The following MAP7 variants were observed in gnomAD, a reference collection of about 807,000 sequenced individuals.
MAP7 encodes the protein ensconsin.
MAP7 carries 52 observed loss-of-function variants against 94.8 expected under a neutral mutation model. The observed-to-expected ratio is 0.55, with a 90% confidence interval of 0.44 to 0.69. The LOEUF (loss-of-function observed/expected upper bound fraction) is 0.69, where lower values mean the gene tolerates loss of function less well. MAP7 is among the 30% of genes least tolerant of loss of function. The pLI, the probability that MAP7 is intolerant of heterozygous loss-of-function variation, is 0.00. For synonymous variants in MAP7, 350 were observed against 357.0 expected, an observed-to-expected ratio of 0.98 and a Z score of 0.22; for missense variants, 940 against 964.6, an observed-to-expected ratio of 0.97 and a Z score of 0.34.
intron 3 of MAP7, among the ~76,000 whole-genome samples, chr6:136,409,280 G>A (rs1271622126): frequency 6.6e-6 from 1 of 152,166 alleles, no homozygotes; most frequent in African/African-American, 2.4e-5. Context: ...AGCTACTAAA[G>A]AGGCTGAGGA....
intron 1 of MAP7, among the ~76,000 whole-genome samples, chr6:136,445,938 G>A (rs986261073): frequency 6.6e-6 from 1 of 152,198 alleles, no homozygotes; most frequent in African/African-American, 2.4e-5. Context: ...TCGCCAAAAT[G>A]CATGGGGATT....
Position 136,356,760 on chromosome 6 carries a change from C to G in MAP7, c.1947G>C (p.Pro649=). 1 of 1,614,068 alleles carries G rather than the reference C, an allele frequency of 6.2e-7. No individual in the cohort carries two copies. The highest frequency in any genetic ancestry group is 1.1e-5 in the South Asian group (1 of 91,072). ...GGCTGCCAACTGGCTTTCCATTTCC[C>G]GGAGCGTTTGTTGTACATGGAAGTG... The part of the protein sequence containing the change: ...VSALPCTTNA[P]GNGKPVGSPH... Residue 649 remains proline (P), a synonymous_variant, in exon 16 of 18, where the codon CCG becomes CCC. Transcript: ENST00000354570.
At chr6:136,421,496 G>C (rs1371054263) in intron 2 of MAP7, among the ~76,000 whole-genome samples, 1 of 152,178 alleles carries the variant, frequency 6.6e-6, no homozygotes, top group East Asian at 1.9e-4. Context: ...GAAAACCAAG[G>C]CTTGGCTTTG....
chr6:136,506,819 A>G (rs1341357428), intron 1 of MAP7, among the ~76,000 whole-genome samples: 3 of 152,198 alleles, frequency 2.0e-5, no homozygotes, highest in African/African-American at 7.2e-5. Context: ...AAACCTAACT[A>G]GTAATATGCA....
intron 5 of MAP7, among the ~76,000 whole-genome samples, chr6:136,387,230 G>T (rs1223676080): frequency 6.6e-6 from 1 of 152,132 alleles, no homozygotes; most frequent in East Asian, 1.9e-4. Flanking sequence ...ACTAAAAGTG[G>T]CAACAGCAGT....
intron 1 of MAP7, among the ~76,000 whole-genome samples, chr6:136,496,837 C>T (rs1292684868): frequency 1.3e-5 from 2 of 149,910 alleles, no homozygotes; most frequent in African/African-American, 4.9e-5. Context: ...GCCTGTAATT[C>T]CAGCTACTCG....
At chr6:136,464,981 C>T (rs1265218007) in intron 1 of MAP7, among the ~76,000 whole-genome samples, 4 of 152,204 alleles carry the variant, frequency 2.6e-5, no homozygotes, top group Non-Finnish European at 4.4e-5. Flanking sequence ...GAGGAGGTCA[C>T]GTGTACCATG....
Position 136,344,166 on chromosome 6 carries a change from G to A in MAP7, c.*62C>T. 1.1e-6 allele frequency: 1 copy of A among 881,532 alleles called. No individual in the cohort carries two copies. The highest frequency in any genetic ancestry group is 3.2e-5 in the South Asian group (1 of 31,386). 54.6% of individuals were successfully genotyped at this position (881,532 alleles called of 1,614,324 possible). On this transcript the variant is annotated 3_prime_UTR_variant, in exon 18 of 18. Transcript: ENST00000354570. ...GGGGATGCTCCTTTATAGCAGGAAA[G>A]GAATTCCATTAATTGTAGAAATTCT...
intron 1 of MAP7, among the ~76,000 whole-genome samples, chr6:136,452,519 A>C (rs1435260135): frequency 1.3e-5 from 2 of 152,204 alleles, no homozygotes; most frequent in East Asian, 3.8e-4. Flanking sequence ...CTAAAGGCTC[A>C]AATGATCATC....
intron 1 of MAP7, among the ~76,000 whole-genome samples, chr6:136,518,454 T>C (rs1158873200): frequency 6.6e-6 from 1 of 152,204 alleles, no homozygotes; most frequent in African/African-American, 2.4e-5. Context: ...AAACAATGCC[T>C]TATGTCCATC....
chr6:136,415,441 C>T (rs376911220), intron 2 of MAP7, among the ~76,000 whole-genome samples: 1 of 152,104 alleles, frequency 6.6e-6, no homozygotes, highest in Non-Finnish European at 1.5e-5. Context: ...AAATTTCATA[C>T]AAAATTTTGA....
rs535436620 is a variant in MAP7 at position 136,387,747 on chromosome 6, T to A, written c.526+646A>T. On this transcript the variant is annotated intron_variant, in intron 5 of 17. Transcript: ENST00000354570. ...AAACAATGATTTTTCAAAGCAAATT[T>A]AAAAAAAAAAGGTTATCAGATTCAC... Among the ~76,000 whole-genome samples the A allele has an allele frequency of 2.0e-3, 288 of 146,870 alleles. 6 individuals carry two copies. The South Asian group carries it at 0.051, about 26-fold the overall frequency.
At chr6:136,518,920 C>T (rs545756922) in intron 1 of MAP7, among the ~76,000 whole-genome samples, 9 of 152,280 alleles carry the variant, frequency 5.9e-5, no homozygotes, top group Non-Finnish European at 1.3e-4. Flanking sequence ...GCTCTGGAAA[C>T]AGGCACACAA....
chr6:136,439,390 G>A (rs998647346), intron 1 of MAP7, among the ~76,000 whole-genome samples: 2 of 152,084 alleles, frequency 1.3e-5, no homozygotes, highest in Non-Finnish European at 2.9e-5. Flanking sequence ...CTGAAGGCTA[G>A]CACCTTGATC....
At chr6:136,380,554 G>A (rs1348056990) in intron 6 of MAP7, among the ~76,000 whole-genome samples, 1 of 152,150 alleles carries the variant, frequency 6.6e-6, no homozygotes, top group African/African-American at 2.4e-5. Flanking sequence ...TGGATTTTAA[G>A]CAAAAAGTAG....
chr6:136,536,671 GAA>G (rs1562493765), intron 1 of MAP7, among the ~76,000 whole-genome samples: 1 of 152,192 alleles, frequency 6.6e-6, no homozygotes, highest in East Asian at 1.9e-4. Context: ...CTAAGTTCCT[GAA>G]ATAAGCAGCA....
At chr6:136,466,663 TTATAAG>T in intron 1 of MAP7, 1 of 1,195,030 alleles carries the variant, frequency 8.4e-7, no homozygotes, top group Non-Finnish European at 1.2e-6. Context: ...CTTCCACTTG[TTATAAG>T]TATTAATTTG....
chr6:136,424,140 C>G (rs1304731464), intron 1 of MAP7, among the ~76,000 whole-genome samples: 3 of 151,818 alleles, frequency 2.0e-5, no homozygotes, highest in East Asian at 1.9e-4. Context: ...GGAGATTTCA[C>G]TACTTAAGAA....
intron 1 of MAP7, among the ~76,000 whole-genome samples, chr6:136,472,607 C>T (rs1394519585): frequency 6.6e-6 from 1 of 152,140 alleles, no homozygotes; most frequent in Admixed American, 6.5e-5. Context: ...ATACACTCTC[C>T]TCAGTGAGTA....
Sources: allele counts gnomAD v4.1 joint callset (sites outside exome capture counted in the v4.1 genomes callset), GRCh38; gene constraint gnomAD v4.1.1; transcripts MANE v1.5; gene names NCBI Gene and HGNC (gene_info 2026-07-23, HGNC 2026-07-21).